Variants in KALRN observed in about 807,000 individuals in gnomAD.
KALRN encodes kalirin RhoGEF kinase.
Under a neutral mutation model 353.7 loss-of-function variants are expected in KALRN, and 70 were observed. That is an observed-to-expected ratio of 0.20 (90% CI 0.16 to 0.24). The LOEUF (loss-of-function observed/expected upper bound fraction) is 0.24. Ranked by LOEUF, KALRN falls within the 10% of genes least tolerant of loss-of-function variation. KALRN has a pLI of 1.00. For missense variants in KALRN, 2,791 were observed against 3,756.7 expected, an observed-to-expected ratio of 0.74 and a Z score of 6.72; for synonymous variants, 1,391 against 1,434.8, an observed-to-expected ratio of 0.97 and a Z score of 0.69.
chr3:124,651,937 C>T (rs141226970), intron 38 of KALRN, among the ~76,000 whole-genome samples: 1 of 152,266 alleles, frequency 6.6e-6, no homozygotes, highest in East Asian at 1.9e-4. Flanking sequence ...TGCACTTGGC[C>T]AACTTTTGTT....
Position 124,717,367 on chromosome 3 carries a change from T to A in KALRN, c.8397T>A (p.Val2799=). 1 of 1,605,772 alleles carries A rather than the reference T, an allele frequency of 6.2e-7. No individual in the cohort carries two copies. Among genetic ancestry groups the A allele is most frequent in the Non-Finnish European group, 8.5e-7 (1 of 1,176,682 alleles). Residue 2799 remains valine (V), a synonymous_variant, in exon 59 of 60, where the codon GTT becomes GTA. Coordinates refer to ENST00000682506, the MANE Select transcript of KALRN (RefSeq NM_001388419.1). ...EALQYLHNCR[V]AHLDIKPENL... ...TGCAGTACCTTCACAACTGCAGGGT[T>A]GCACATTTGGACATAAAGGTAATAA...
intron 34 of KALRN, among the ~76,000 whole-genome samples, chr3:124,588,441 T>A (rs1304120626): frequency 6.6e-6 from 1 of 152,200 alleles, no homozygotes; most frequent in African/African-American, 2.4e-5. Context: ...TAATTTTGTT[T>A]TGAGATGGAG....
chr3:124,479,638 T>C (rs1299300225), intron 27 of KALRN, among the ~76,000 whole-genome samples: 1 of 152,006 alleles, frequency 6.6e-6, no homozygotes, highest in Non-Finnish European at 1.5e-5. Flanking sequence ...ATAAAGGCAG[T>C]CACCTAATAT....
intron 2 of KALRN, among the ~76,000 whole-genome samples, chr3:124,230,973 A>C (rs186441533): frequency 3.7e-4 from 56 of 152,288 alleles, no homozygotes; most frequent in African/African-American, 1.3e-3. Context: ...TAAATAATGC[A>C]GTTTAACAGT....
At chr3:124,197,496 C>G (rs2075560522) in intron 1 of KALRN, among the ~76,000 whole-genome samples, 1 of 152,222 alleles carries the variant, frequency 6.6e-6, no homozygotes, top group African/African-American at 2.4e-5. Flanking sequence ...CAAACCACAT[C>G]TTGCCTTCAT....
intron 37 of KALRN, among the ~76,000 whole-genome samples, chr3:124,641,212 C>T (rs560554269): frequency 9.2e-5 from 14 of 152,122 alleles, no homozygotes; most frequent in African/African-American, 2.2e-4. Flanking sequence ...ATAAAACTCC[C>T]GAAGAGTCAC....
At chr3:124,082,064 C>T (rs1197293365) in intron 1 of KALRN, among the ~76,000 whole-genome samples, 1 of 152,188 alleles carries the variant, frequency 6.6e-6, no homozygotes, top group East Asian at 1.9e-4. Flanking sequence ...GAAGATGAGA[C>T]TGTGGTCCAG....
At chr3:124,428,241 A>C (rs1488203810) in intron 15 of KALRN, among the ~76,000 whole-genome samples, 2 of 152,254 alleles carry the variant, frequency 1.3e-5, no homozygotes, top group Non-Finnish European at 2.9e-5. Context: ...AAGCTACATC[A>C]CATCAGAATA....
chr3:124,148,292 T>G (rs1275603941), intron 1 of KALRN, among the ~76,000 whole-genome samples: 2 of 152,206 alleles, frequency 1.3e-5, no homozygotes, highest in Non-Finnish European at 2.9e-5. Context: ...CATGTGCTTA[T>G]GGACAGAAAT....
intron 21 of KALRN, among the ~76,000 whole-genome samples, chr3:124,451,597 G>A (rs2058788001): frequency 6.6e-6 from 1 of 152,190 alleles, no homozygotes; most frequent in Non-Finnish European, 1.5e-5. Flanking sequence ...TGAGTTTCAA[G>A]TGGGCTTAGG....
At chr3:124,157,771 A>G (rs1265253120) in intron 1 of KALRN, among the ~76,000 whole-genome samples, 2 of 152,172 alleles carry the variant, frequency 1.3e-5, no homozygotes, top group Admixed American at 1.3e-4. Context: ...ATAAAGCTTG[A>G]GTTTCCAGTG....
intron 5 of KALRN, among the ~76,000 whole-genome samples, chr3:124,292,673 C>T (rs563517039): frequency 9.2e-5 from 14 of 152,038 alleles, no homozygotes; most frequent in Non-Finnish European, 1.6e-4. Flanking sequence ...GGTGGGTGGG[C>T]GGTGGATGTG....
At chr3:124,100,242 T>C (rs930004631) in intron 1 of KALRN, 1 of 152,250 alleles carries the variant, frequency 6.6e-6, no homozygotes, top group Admixed American at 6.5e-5. Context: ...TTTGTTTTGT[T>C]TGCTGTTACG....
chr3:124,558,137 A>G (rs765301670), intron 33 of KALRN, among the ~76,000 whole-genome samples: 13 of 152,124 alleles, frequency 8.5e-5, no homozygotes, highest in Non-Finnish European at 1.6e-4. Flanking sequence ...AAAAAAAAGG[A>G]TTCACTTACA....
chr3:124,090,968 CT>C (rs1210246017), intron 1 of KALRN, among the ~76,000 whole-genome samples: 1 of 152,204 alleles, frequency 6.6e-6, no homozygotes, highest in Non-Finnish European at 1.5e-5. Flanking sequence ...GCTGTAGATA[CT>C]GTCCTCAGGT....
At chr3:124,133,792 T>G (rs2065594930) in intron 1 of KALRN, among the ~76,000 whole-genome samples, 3 of 152,200 alleles carry the variant, frequency 2.0e-5, no homozygotes, top group African/African-American at 7.2e-5. Flanking sequence ...GCAGCCGGAA[T>G]AGGACAACAT....
intron 32 of KALRN, among the ~76,000 whole-genome samples, chr3:124,496,082 AT>A (rs1162876003): frequency 2.8e-5 from 4 of 145,108 alleles, no homozygotes; most frequent in African/African-American, 1.0e-4. Flanking sequence ...GAAGGGGGTC[AT>A]TTTGCATTTA....
intron 1 of KALRN, among the ~76,000 whole-genome samples, chr3:124,077,979 C>T (rs1449214766): frequency 4.6e-5 from 7 of 152,130 alleles, no homozygotes; most frequent in South Asian, 2.1e-4. Flanking sequence ...ATTGTTTCAA[C>T]GAATAAATGA....
At chr3:124,544,175 G>A (rs1047481945) in intron 33 of KALRN, among the ~76,000 whole-genome samples, 2 of 152,218 alleles carry the variant, frequency 1.3e-5, no homozygotes, top group African/African-American at 4.8e-5. Flanking sequence ...GGTTTGTAAA[G>A]CCTTGCAGAA....
Sources: gnomAD v4.1 joint callset for allele counts (sites outside exome capture counted in the v4.1 genomes callset) on GRCh38, gnomAD v4.1.1 for gene constraint, MANE v1.5 for transcripts, NCBI Gene and HGNC (gene_info 2026-07-23, HGNC 2026-07-21) for gene names.